Variants in CRTAC1 observed in about 807,000 individuals in gnomAD.
The protein encoded by CRTAC1 is acidic secreted protein in cartilage.
CRTAC1 carries 37 observed loss-of-function variants against 67.8 expected under a neutral mutation model. The ratio of observed to expected loss-of-function variants is 0.55; its 90% CI spans 0.42 to 0.72. CRTAC1 has a LOEUF of 0.72. Among genes scored for constraint, CRTAC1 ranks in the 30% least tolerant of loss-of-function variants. CRTAC1 has a pLI of 0.00. For synonymous variants in CRTAC1, 348 were observed against 371.0 expected, an observed-to-expected ratio of 0.94 and a Z score of 0.71; for missense variants, 780 against 931.6, an observed-to-expected ratio of 0.84 and a Z score of 2.12.
rs1554938506 is a variant in CRTAC1, at chr10:98,029,527, G to GGCGGCGGCGGCGGCGGCGGCA, written c.24+921_24+922insTGCCGCCGCCGCCGCCGCCGC. Reference sequence around the variant, plus strand: ...CGGCGGCGGCGGCGGCGGCGGCGGCGGCAGCAGCAGCAATATTCATTAGTC... The same window carrying GGCGGCGGCGGCGGCGGCGGCA: ...CGGCGGCGGCGGCGGCGGCGGCGGCGGCGGCGGCGGCGGCGGCGGCAGCAGCAGCAGCAATATTCATTAGTC... On this transcript the variant is annotated intron_variant, in intron 1 of 14. Coordinates refer to ENST00000370597, the MANE Select transcript of CRTAC1 (RefSeq NM_018058.7). The surrounding 1 kb of genome is among the most constrained non-coding windows in gnomAD (Gnocchi z 4.7). Among the ~76,000 whole-genome samples, 2 of 131,110 alleles carry GGCGGCGGCGGCGGCGGCGGCA rather than the reference G, an allele frequency of 1.5e-5. No individual in the cohort carries two copies. The highest frequency in any genetic ancestry group is 7.1e-5 in the Admixed American group (1 of 14,016). The allele number at this position is 131,110 out of a possible 152,430, so 86.0% of individuals were successfully genotyped here.
At chr10:97,901,917 T>C (rs544770013) in intron 7 of CRTAC1, among the ~76,000 whole-genome samples, 5 of 152,304 alleles carry the variant, frequency 3.3e-5, no homozygotes, top group African/African-American at 1.2e-4. Context: ...ATCCCTTCTG[T>C]CCATCCCTTG....
At chr10:97,972,111 C>A (rs1391314797) in intron 2 of CRTAC1, among the ~76,000 whole-genome samples, 1 of 152,170 alleles carries the variant, frequency 6.6e-6, no homozygotes, top group African/African-American at 2.4e-5. Flanking sequence ...TAACCATATG[C>A]CCAGAGAAAA....
chr10:97,877,150 A>C (rs551535090), intron 14 of CRTAC1, among the ~76,000 whole-genome samples: 23 of 152,182 alleles, frequency 1.5e-4, no homozygotes, highest in African/African-American at 5.3e-4. Flanking sequence ...GGATATTCTC[A>C]ATAAATGCTT....
At chr10:98,027,166 C>CAAA (rs372224632) in intron 1 of CRTAC1, among the ~76,000 whole-genome samples, 32 of 116,246 alleles carry the variant, frequency 2.8e-4, no homozygotes, top group African/African-American at 9.7e-4. Context: ...GACTCCGTCT[C>CAAA]AAAAAAAAAA....
At chr10:97,874,952 A>T (rs1470187011) in intron 14 of CRTAC1, among the ~76,000 whole-genome samples, 1 of 152,168 alleles carries the variant, frequency 6.6e-6, no homozygotes, top group Non-Finnish European at 1.5e-5. Context: ...GGTATTGTTT[A>T]GTGCCTGCCA....
chr10:97,989,644 G>A (rs1842398308), intron 2 of CRTAC1, among the ~76,000 whole-genome samples: 1 of 152,234 alleles, frequency 6.6e-6, no homozygotes, highest in Non-Finnish European at 1.5e-5. Flanking sequence ...CACGTTGCAT[G>A]CCATAACTCC....
At chr10:98,026,956 G>T (rs904314036) in intron 1 of CRTAC1, among the ~76,000 whole-genome samples, 1 of 152,316 alleles carries the variant, frequency 6.6e-6, no homozygotes. Context: ...GAGGCGGGCA[G>T]ATCACGAGGT....
chr10:97,954,291 G>A (rs1384017395), intron 2 of CRTAC1, among the ~76,000 whole-genome samples: 1 of 152,192 alleles, frequency 6.6e-6, no homozygotes, highest in African/African-American at 2.4e-5. Flanking sequence ...GGATGTAGAT[G>A]GTGATAAAGT....
At chr10:98,025,012 T>A (rs1843199158) in intron 1 of CRTAC1, among the ~76,000 whole-genome samples, 1 of 152,148 alleles carries the variant, frequency 6.6e-6, no homozygotes, top group African/African-American at 2.4e-5. Flanking sequence ...TCTGGGGGAA[T>A]CTGGGTAAAA....
intron 2 of CRTAC1, 67 bp from the exon 3 acceptor site, chr10:97,936,433 G>A (rs1043276626): frequency 7.3e-7 from 1 of 1,363,266 alleles, no homozygotes; most frequent in East Asian, 2.4e-5. Context: ...CATCCAACCA[G>A]AGCAACGGGC....
At chr10:98,018,732 C>T (rs1843055501) in intron 1 of CRTAC1, among the ~76,000 whole-genome samples, 1 of 152,088 alleles carries the variant, frequency 6.6e-6, no homozygotes, top group Non-Finnish European at 1.5e-5. Flanking sequence ...TAAATATTTC[C>T]GACGTTGGCG....
chr10:97,987,440 G>T (rs1422345809), intron 2 of CRTAC1, among the ~76,000 whole-genome samples: 2 of 152,172 alleles, frequency 1.3e-5, no homozygotes, highest in Non-Finnish European at 2.9e-5. Flanking sequence ...GATCTCAATA[G>T]GTTTCAAAAG....
intron 1 of CRTAC1, among the ~76,000 whole-genome samples, chr10:98,016,044 G>A (rs1344827427): frequency 6.6e-6 from 1 of 152,214 alleles, no homozygotes; most frequent in African/African-American, 2.4e-5. Context: ...CACTCAAAGT[G>A]CTGGCTGTCT....
intron 7 of CRTAC1, among the ~76,000 whole-genome samples, chr10:97,903,356 G>A (rs2050567248): frequency 6.6e-6 from 1 of 150,528 alleles, no homozygotes; most frequent in African/African-American, 2.5e-5. Flanking sequence ...AGGGAGGGCA[G>A]CAAGATCATC....
chr10:97,953,737 T>C (rs1049682308), intron 2 of CRTAC1, among the ~76,000 whole-genome samples: 6 of 152,194 alleles, frequency 3.9e-5, no homozygotes, highest in Non-Finnish European at 7.3e-5. Flanking sequence ...CTGGAAAATG[T>C]AGGGCTGGAC....
chr10:98,030,388 C>G lies in CRTAC1; in HGVS notation c.24+61G>C, dbSNP rs1843347883. 7.5e-6 allele frequency: 8 copies of G among 1,065,474 alleles called. No homozygotes were observed. In the East Asian group the frequency reaches 9.7e-5, roughly 13 times the overall value. The allele number at this position is 1,065,474 out of a possible 1,614,324, so 66.0% of individuals were successfully genotyped here. A position where few individuals can be genotyped will look rare whatever the true frequency, so the allele number is the denominator to read the frequency against. On this transcript the variant is annotated intron_variant, in intron 1 of 14. Coordinates refer to ENST00000370597, the MANE Select transcript of CRTAC1 (RefSeq NM_018058.7). The surrounding 1 kb of genome is among the most constrained non-coding windows in gnomAD (Gnocchi z 4.2). ...ACCCTTGCGGGCGGATCCGGGGGGG[C>G]GCGCAGAGCTGGAGAAACTTTCTCC...
At chr10:97,924,765 A>T (rs1351266709) in intron 3 of CRTAC1, among the ~76,000 whole-genome samples, 1 of 152,236 alleles carries the variant, frequency 6.6e-6, no homozygotes, top group African/African-American at 2.4e-5. Flanking sequence ...TTATAGATGA[A>T]CTACTTTCCA....
chr10:97,887,705 C>G (rs2050308074), intron 11 of CRTAC1, among the ~76,000 whole-genome samples: 1 of 152,250 alleles, frequency 6.6e-6, no homozygotes, highest in African/African-American at 2.4e-5. Flanking sequence ...TGGGCCTCAG[C>G]TACTTCATCT....
rs79008880 is a variant in CRTAC1 at position 98,025,817 on chromosome 10, A to T, written c.24+4632T>A. On this transcript the variant is annotated intron_variant, in intron 1 of 14. Coordinates refer to ENST00000370597, the MANE Select transcript of CRTAC1 (RefSeq NM_018058.7). ...AAGGAAGGCTTCTCCCAGCAGAAAG[A>T]TCCTTCCTTAGGAATCAATAGCTCA... 7.5e-3 allele frequency among the ~76,000 whole-genome samples: 1,149 copies of T among 152,316 alleles called. 21 individuals are homozygous for T. The highest frequency in any genetic ancestry group is 0.025 in the African/African-American group (1,057 of 41,568).
Sources: gnomAD v4.1 joint callset for allele counts (sites outside exome capture counted in the v4.1 genomes callset) on GRCh38, gnomAD v4.1.1 for gene constraint, Gnocchi (gnomAD v3.1) non-coding constraint, MANE v1.5 for transcripts, NCBI Gene and HGNC (gene_info 2026-07-23, HGNC 2026-07-21) for gene names.